Variants in STXBP5L observed in about 807,000 individuals in gnomAD.
STXBP5L encodes the protein syntaxin binding protein 5L.
A neutral mutation model predicts 144.5 loss-of-function variants in STXBP5L; 65 were observed. The ratio of observed to expected loss-of-function variants is 0.45; its 90% CI spans 0.37 to 0.55. STXBP5L has a LOEUF of 0.55. Among genes scored for constraint, STXBP5L ranks in the 20% least tolerant of loss-of-function variants. STXBP5L has a pLI of 0.00. For synonymous variants in STXBP5L, 505 were observed against 469.6 expected (o/e 1.08, Z -0.97); for missense variants, 1,298 against 1,405.5 (o/e 0.92, Z 1.22).
At chr3:121,152,074 G>T (rs997190970) in intron 7 of STXBP5L, among the ~76,000 whole-genome samples, 1 of 152,006 alleles carries the variant, frequency 6.6e-6, no homozygotes, top group Non-Finnish European at 1.5e-5. Flanking sequence ...TTTGGTAGAA[G>T]AAATTTGAAG....
intron 7 of STXBP5L, among the ~76,000 whole-genome samples, chr3:121,151,336 TTG>T (rs2045924611): frequency 6.6e-6 from 1 of 152,210 alleles, no homozygotes; most frequent in Non-Finnish European, 1.5e-5. Context: ...TTAACATTTA[TTG>T]TGTGTGGTTT....
At chr3:121,293,025 A>G (rs2051502950) in intron 19 of STXBP5L, among the ~76,000 whole-genome samples, 1 of 152,192 alleles carries the variant, frequency 6.6e-6, no homozygotes, top group Non-Finnish European at 1.5e-5. Context: ...AAAACCTATT[A>G]AAACGAAAAA....
chr3:120,985,506 A>G (rs935580503), intron 3 of STXBP5L, among the ~76,000 whole-genome samples: 1 of 152,070 alleles, frequency 6.6e-6, no homozygotes, highest in Non-Finnish European at 1.5e-5. Context: ...ATGCTGTGTA[A>G]TAGATCTCTA....
intron 18 of STXBP5L, among the ~76,000 whole-genome samples, chr3:121,267,305 T>C (rs1363071195): frequency 1.3e-5 from 2 of 152,200 alleles, no homozygotes; most frequent in Admixed American, 6.5e-5. Context: ...AAACAAGCAA[T>C]GGTGAAAGAA....
At chr3:120,948,020 T>G (rs1710968047) in intron 2 of STXBP5L, among the ~76,000 whole-genome samples, 1 of 151,850 alleles carries the variant, frequency 6.6e-6, no homozygotes, top group Non-Finnish European at 1.5e-5. Context: ...ATTGAGGAAC[T>G]ACCAATCTAT....
chr3:121,256,085 A>G (rs1044787599), intron 16 of STXBP5L, among the ~76,000 whole-genome samples: 1 of 152,142 alleles, frequency 6.6e-6, no homozygotes, highest in African/African-American at 2.4e-5. Flanking sequence ...TGTAGCTATG[A>G]TTCAGTTTCA....
chr3:121,168,829 A>C (rs989871970), intron 9 of STXBP5L, among the ~76,000 whole-genome samples: 8 of 152,168 alleles, frequency 5.3e-5, no homozygotes, highest in Non-Finnish European at 1.0e-4. Context: ...CAAATTCAGG[A>C]AATACAGCGA....
intron 22 of STXBP5L, among the ~76,000 whole-genome samples, chr3:121,398,837 G>A (rs1476961701): frequency 6.6e-6 from 1 of 152,144 alleles, no homozygotes; most frequent in Non-Finnish European, 1.5e-5. Context: ...TTTCCCTGCT[G>A]ATCTGGGGGC....
At chr3:121,105,319 C>A (rs916971865) in intron 5 of STXBP5L, among the ~76,000 whole-genome samples, 4 of 151,998 alleles carry the variant, frequency 2.6e-5, no homozygotes, top group African/African-American at 9.7e-5. Context: ...TCGCTTGAAC[C>A]TGGGAGGCAG....
intron 3 of STXBP5L, among the ~76,000 whole-genome samples, chr3:121,032,835 TG>T (rs1946470516): frequency 1.6e-5 from 1 of 61,412 alleles, no homozygotes; most frequent in Non-Finnish European, 3.3e-5. Flanking sequence ...TCATCATCAC[TG>T]GCCATCAGAG....
At chr3:121,035,751 G>A (rs1287745475) in intron 3 of STXBP5L, among the ~76,000 whole-genome samples, 5 of 152,056 alleles carry the variant, frequency 3.3e-5, no homozygotes, top group African/African-American at 1.2e-4. Context: ...AATGACATTA[G>A]TATTTTGATA....
intron 4 of STXBP5L, among the ~76,000 whole-genome samples, chr3:121,042,655 A>T (rs547211329): frequency 6.6e-6 from 1 of 152,168 alleles, no homozygotes; most frequent in African/African-American, 2.4e-5. Context: ...ACTTACAATT[A>T]TAAGTGTGGG....
chr3:120,919,314 T>C (rs1470972356), intron 2 of STXBP5L, among the ~76,000 whole-genome samples: 3 of 152,064 alleles, frequency 2.0e-5, no homozygotes, highest in East Asian at 1.9e-4. Context: ...AAAGCTGAAA[T>C]TGAATTGGAC....
chr3:121,057,575 T>C (rs1179907916), intron 5 of STXBP5L, among the ~76,000 whole-genome samples: 1 of 152,046 alleles, frequency 6.6e-6, no homozygotes, highest in Non-Finnish European at 1.5e-5. Flanking sequence ...TGGAATAATA[T>C]ATATATAGTT....
intron 19 of STXBP5L, among the ~76,000 whole-genome samples, chr3:121,308,000 T>C (rs1391382633): frequency 6.6e-6 from 1 of 152,058 alleles, no homozygotes. Context: ...TCAGAAACAA[T>C]GGAGGCCAGA....
intron 22 of STXBP5L, among the ~76,000 whole-genome samples, chr3:121,400,169 G>A (rs889457577): frequency 6.6e-6 from 1 of 152,196 alleles, no homozygotes; most frequent in Admixed American, 6.5e-5. Flanking sequence ...ATGAGACAAT[G>A]GAGCATGCAC....
intron 2 of STXBP5L, among the ~76,000 whole-genome samples, chr3:120,929,635 C>T (rs554944605): frequency 4.0e-5 from 6 of 151,868 alleles, no homozygotes; most frequent in Admixed American, 1.3e-4. Flanking sequence ...TATTACTTCC[C>T]GAGATGAAAT....
chr3:121,087,803 T>C (rs1321413043), intron 5 of STXBP5L, among the ~76,000 whole-genome samples: 1 of 152,056 alleles, frequency 6.6e-6, no homozygotes, highest in Non-Finnish European at 1.5e-5. Flanking sequence ...TTTTGACTTA[T>C]TATTAGTTAA....
intron 5 of STXBP5L, among the ~76,000 whole-genome samples, chr3:121,103,706 T>C (rs369987141): frequency 5.9e-5 from 9 of 152,104 alleles, no homozygotes; most frequent in African/African-American, 1.7e-4. Context: ...GATAAGACAG[T>C]ATAGAGAATA....
Sources: gnomAD v4.1 joint callset for allele counts (sites outside exome capture counted in the v4.1 genomes callset) on GRCh38, gnomAD v4.1.1 for gene constraint, MANE v1.5 for transcripts, NCBI Gene and HGNC (gene_info 2026-07-23, HGNC 2026-07-21) for gene names.